Variants in TXN observed in about 807,000 individuals in gnomAD.
The protein encoded by TXN is thioredoxin.
In TXN, 10 loss-of-function variants were observed where a neutral mutation model predicts 16.5. The ratio of observed to expected loss-of-function variants is 0.61; its 90% confidence interval spans 0.37 to 1.03. The LOEUF (loss-of-function observed/expected upper bound fraction) is 1.03, where lower values mean the gene tolerates loss of function less well. Ranked by LOEUF, TXN falls within the 50% of genes least tolerant of loss-of-function variation. The pLI is 0.01. For synonymous variants in TXN, 35 were observed against 39.4 expected (o/e 0.89, Z 0.42); for missense variants, 71 against 122.5 (o/e 0.58, Z 1.98).
At chr9:110,253,488 A>G (rs913884611) in intron 1 of TXN, among the ~76,000 whole-genome samples, 28 of 152,346 alleles carry the variant, frequency 1.8e-4, no homozygotes, top group African/African-American at 6.7e-4. Flanking sequence ...TGCAAGATCC[A>G]GGTAAGACAG....
intron 1 of TXN, among the ~76,000 whole-genome samples, chr9:110,252,844 C>T (rs563306715): frequency 6.2e-4 from 94 of 152,226 alleles, no homozygotes; most frequent in Middle Eastern, 3.4e-3. Flanking sequence ...AGAGTTTCGC[C>T]ATGTTGACCA....
chr9:110,254,607 G>C (rs1356102792), intron 1 of TXN, among the ~76,000 whole-genome samples: 3 of 152,220 alleles, frequency 2.0e-5, no homozygotes, highest in Non-Finnish European at 4.4e-5. Context: ...AGGATTAATT[G>C]ATTATCAGGG....
At chr9:110,251,274 TTAAC>T in intron 2 of TXN, 80 bp downstream of exon 2, 3 of 1,046,086 alleles carry the variant, frequency 2.9e-6, no homozygotes, top group Non-Finnish European at 4.4e-6. Context: ...CCAAAATCCT[TTAAC>T]TGTCTTTCTT....
At chr9:110,248,821 G>C (rs532857311) in intron 3 of TXN, among the ~76,000 whole-genome samples, 1 of 152,132 alleles carries the variant, frequency 6.6e-6, no homozygotes, top group African/African-American at 2.4e-5. Flanking sequence ...ACCTATTATT[G>C]CTTTCAAATA....
At chr9:110,249,051 C>T (rs534133397) in intron 3 of TXN, among the ~76,000 whole-genome samples, 83 of 133,056 alleles carry the variant, frequency 6.2e-4, no homozygotes, top group African/African-American at 2.1e-3. Context: ...TGCTTAAACC[C>T]GGGAGGCAGA....
In TXN at chr9:110,247,503, T is replaced by C. The variant is rs180973989; in HGVS notation, c.190-2660A>G. ...GTGGTCCCATAAGATTATAATGAAG[T>C]TGAAAAATTCCTCTCACCTAGTGAT... is the stretch of plus-strand genomic sequence containing the variant. On this transcript the variant is annotated intron_variant, in intron 3 of 4. Coordinates refer to ENST00000374517, the MANE Select transcript of TXN (RefSeq NM_003329.4). 3.9e-5 allele frequency among the ~76,000 whole-genome samples: 6 copies of C among 152,246 alleles called. No individual in the cohort carries two copies. In the East Asian group the frequency reaches 1.2e-3, roughly 29 times the overall value.
Position 110,256,298 on chromosome 9 carries a change from A to T in TXN, c.24+114T>A. 9.5e-7 allele frequency: 1 copy of T among 1,054,538 alleles called. No individual in the cohort carries two copies. Among genetic ancestry groups the T allele is most frequent in the Non-Finnish European group, 1.4e-6 (1 of 718,948 alleles). The allele number at this position is 1,054,538 out of a possible 1,614,324, so 65.3% of individuals were successfully genotyped here. On this transcript the variant is annotated intron_variant, in intron 1 of 4. Coordinates refer to ENST00000374517, the MANE Select transcript of TXN (RefSeq NM_003329.4). The surrounding 1 kb of genome is among the most constrained non-coding windows in gnomAD (Gnocchi z 4.2). ...GCGTCCCTTTCCCCTGGCGATGCGG[A>T]GGGGCGGCCTCCGCACCTCCCGCCA... is the stretch of plus-strand genomic sequence containing the variant.
chr9:110,247,618 C>A (rs1272858834), intron 3 of TXN, among the ~76,000 whole-genome samples: 1 of 152,214 alleles, frequency 6.6e-6, no homozygotes, highest in Non-Finnish European at 1.5e-5. Context: ...ACTGCTTTAC[C>A]TGCGGAATAG....
At chr9:110,252,224 A>AG in intron 1 of TXN, among the ~76,000 whole-genome samples, 1 of 75,518 alleles carries the variant, frequency 1.3e-5, no homozygotes, top group South Asian at 4.2e-4. Flanking sequence ...ACTCTGTCGC[A>AG]AAAAAAAAAA....
chr9:110,245,517 C>T (rs1837635390), intron 3 of TXN, among the ~76,000 whole-genome samples: 1 of 146,608 alleles, frequency 6.8e-6, no homozygotes, highest in African/African-American at 2.5e-5. Flanking sequence ...TCAAGCCATC[C>T]TCCCTCCTCA....
intron 1 of TXN, among the ~76,000 whole-genome samples, chr9:110,254,558 A>AG (rs540111854): frequency 2.0e-4 from 30 of 152,342 alleles, no homozygotes; most frequent in Middle Eastern, 6.8e-3. Context: ...CAATCAAATT[A>AG]GTGTAACTTT....
In TXN at chr9:110,245,643, TATATATA is replaced by T. The variant is rs1339155029; in HGVS notation, c.190-807_190-801del. Among the ~76,000 whole-genome samples the T allele has an allele frequency of 2.7e-3, 100 of 37,034 alleles. 2 individuals are homozygous for T. The highest frequency in any genetic ancestry group is 8.1e-3 in the African/African-American group (56 of 6,938). The allele number at this position is 37,034 out of a possible 152,430, so 24.3% of individuals were successfully genotyped here. A position where few individuals can be genotyped will look rare whatever the true frequency, so the allele number is the denominator to read the frequency against. ...CTATATATATATATATATATATATA[TATATATA>T]TATATTTTTTTTTTTTTTTTTTTAT... On this transcript the variant is annotated intron_variant, in intron 3 of 4. Coordinates refer to ENST00000374517, the MANE Select transcript of TXN (RefSeq NM_003329.4).
At chr9:110,245,654 A>ATATATATTTTTT (rs1232332404) in intron 3 of TXN, among the ~76,000 whole-genome samples, 1 of 21,786 alleles carries the variant, frequency 4.6e-5, no homozygotes, top group Non-Finnish European at 7.5e-5. Context: ...ATATATATAT[A>ATATATATTTTTT]TTTTTTTTTT....
At chr9:110,255,915 C>T (rs1837803384) in intron 1 of TXN, among the ~76,000 whole-genome samples, 1 of 152,202 alleles carries the variant, frequency 6.6e-6, no homozygotes, top group Non-Finnish European at 1.5e-5. Context: ...CGGCGGCCAC[C>T]GACCCGTGCC....
At chr9:110,245,637 TA>T (rs1564367391) in intron 3 of TXN, among the ~76,000 whole-genome samples, 8 of 28,226 alleles carry the variant, frequency 2.8e-4, no homozygotes, top group African/African-American at 1.3e-3. Flanking sequence ...TATATATATA[TA>T]TATATATATA....
rs1186828219 is a variant in TXN at position 110,245,641 on chromosome 9, TATATATA to T, written c.190-805_190-799del. On this transcript the variant is annotated intron_variant, in intron 3 of 4. Coordinates refer to ENST00000374517, the MANE Select transcript of TXN (RefSeq NM_003329.4). ...CACTATATATATATATATATATATA[TATATATA>T]TATATATTTTTTTTTTTTTTTTTTT... Among the ~76,000 whole-genome samples, 234 of 32,844 alleles carry T rather than the reference TATATATA, an allele frequency of 7.1e-3. 22 individuals are homozygous for T. The highest frequency in any genetic ancestry group is 0.03 in the African/African-American group (218 of 7,378). The allele number at this position is 32,844 out of a possible 152,430, so 21.5% of individuals were successfully genotyped here.
At chr9:110,255,370 C>G (rs949453847) in intron 1 of TXN, among the ~76,000 whole-genome samples, 2 of 152,246 alleles carry the variant, frequency 1.3e-5, no homozygotes, top group African/African-American at 4.8e-5. Context: ...GCGCGTTAGG[C>G]TCTGGGTTTC....
At chr9:110,246,874 C>T (rs1837666313) in intron 3 of TXN, among the ~76,000 whole-genome samples, 1 of 152,106 alleles carries the variant, frequency 6.6e-6, no homozygotes, top group Non-Finnish European at 1.5e-5. Context: ...AGGGAGGTTA[C>T]CATTTATAAA....
At chr9:110,250,973 T>G (rs948716104) in intron 2 of TXN, 94 bp from the exon 3 acceptor site, 2 of 891,260 alleles carry the variant, frequency 2.2e-6, no homozygotes. Context: ...TTAATAAAAG[T>G]AGAGACTAAT....
Sources: allele counts gnomAD v4.1 joint callset (sites outside exome capture counted in the v4.1 genomes callset), GRCh38; gene constraint gnomAD v4.1.1; non-coding constraint Gnocchi (gnomAD v3.1); transcripts MANE v1.5; gene names NCBI Gene and HGNC (gene_info 2026-07-23, HGNC 2026-07-21).